OSBPL11: variants seen among roughly 807,000 people sequenced by gnomAD.
The protein encoded by OSBPL11 is oxysterol binding protein like 11.
OSBPL11 carries 33 observed loss-of-function variants against 84.4 expected under a neutral mutation model. The ratio of observed to expected loss-of-function variants is 0.39; its 90% CI spans 0.30 to 0.52. The LOEUF (loss-of-function observed/expected upper bound fraction) is 0.52, where lower values mean the gene tolerates loss of function less well. OSBPL11 is among the 20% of genes least tolerant of loss of function. The pLI is 0.72. For synonymous variants in OSBPL11, 276 were observed against 310.2 expected, an observed-to-expected ratio of 0.89 and a Z score of 1.16; for missense variants, 736 against 901.1, an observed-to-expected ratio of 0.82 and a Z score of 2.35.
chr3:125,552,117 A>T, intron 9 of OSBPL11, 64 bp downstream of exon 9: 2 of 946,286 alleles, frequency 2.1e-6, no homozygotes, highest in African/African-American at 3.8e-5. Context: ...TTGGAAAAAA[A>T]AATACATATA....
chr3:125,583,667 G>A (rs1242803377), intron 1 of OSBPL11, among the ~76,000 whole-genome samples: 2 of 151,548 alleles, frequency 1.3e-5, no homozygotes, highest in Non-Finnish European at 2.9e-5. Flanking sequence ...AAGATAGGGG[G>A]ATCACTTGAG....
chr3:125,566,296 G>A (rs917409626), intron 6 of OSBPL11, among the ~76,000 whole-genome samples: 1 of 151,992 alleles, frequency 6.6e-6, no homozygotes. Flanking sequence ...GTGAGCCACC[G>A]TGCCTGGCCC....
chr3:125,571,640 C>T (rs9812609), intron 5 of OSBPL11, among the ~76,000 whole-genome samples: 20,299 of 152,212 alleles, frequency 0.13, 1,380 homozygotes, highest in South Asian at 0.18. Flanking sequence ...ACGTAGAGCT[C>T]GTCTGTGGCC....
intron 11 of OSBPL11, among the ~76,000 whole-genome samples, chr3:125,538,094 A>G (rs1475133984): frequency 6.6e-6 from 1 of 152,214 alleles, no homozygotes; most frequent in Non-Finnish European, 1.5e-5. Context: ...ATATTTTTGC[A>G]CTACCTCTTT....
chr3:125,532,253 G>A (rs1224286465), intron 11 of OSBPL11, among the ~76,000 whole-genome samples: 1 of 152,094 alleles, frequency 6.6e-6, no homozygotes, highest in African/African-American at 2.4e-5. Flanking sequence ...GGTTATAAAA[G>A]CAGGATTTTT....
intron 5 of OSBPL11, among the ~76,000 whole-genome samples, chr3:125,567,990 T>G (rs1936185393): frequency 1.5e-5 from 2 of 137,676 alleles, no homozygotes; most frequent in South Asian, 2.2e-4. Flanking sequence ...TAAAACCCCG[T>G]CTAAAAAAAA....
chr3:125,565,403 G>C (rs1936138877), intron 6 of OSBPL11, among the ~76,000 whole-genome samples: 1 of 152,034 alleles, frequency 6.6e-6, no homozygotes, highest in South Asian at 2.1e-4. Flanking sequence ...TTCAACACAG[G>C]GATATAGTTA....
At chr3:125,578,372 G>C (rs1936363862) in intron 4 of OSBPL11, among the ~76,000 whole-genome samples, 1 of 152,164 alleles carries the variant, frequency 6.6e-6, no homozygotes, top group Non-Finnish European at 1.5e-5. Context: ...TTGGGAAGGA[G>C]AGAACAGGGA....
At chr3:125,584,760 T>C (rs1317062574) in intron 1 of OSBPL11, among the ~76,000 whole-genome samples, 1 of 152,220 alleles carries the variant, frequency 6.6e-6, no homozygotes, top group Non-Finnish European at 1.5e-5. Context: ...ACAAAATTTT[T>C]ATTTCAAAGC....
At chr3:125,592,936 A>G (rs1452705534) in intron 1 of OSBPL11, among the ~76,000 whole-genome samples, 2 of 152,254 alleles carry the variant, frequency 1.3e-5, no homozygotes, top group Non-Finnish European at 2.9e-5. Context: ...AATCTTTGTC[A>G]TCTTAAACTT....
intron 5 of OSBPL11, among the ~76,000 whole-genome samples, chr3:125,575,013 T>C (rs891813529): frequency 1.3e-5 from 2 of 152,320 alleles, no homozygotes; most frequent in Non-Finnish European, 2.9e-5. Flanking sequence ...TAACAAAGAA[T>C]AGCCACAATT....
rs184920475 is a variant in OSBPL11, at chr3:125,561,893, C to T, written c.1015-1374G>A. On this transcript the variant is annotated intron_variant, in intron 7 of 12. Coordinates refer to ENST00000296220, the MANE Select transcript of OSBPL11 (RefSeq NM_022776.5). ...AGGTAGTATATTATCCCTACCTTACCGATGAGGAAGTTGAAGCTAAGAGTG... is the reference window on the plus strand; with the variant it reads ...AGGTAGTATATTATCCCTACCTTACTGATGAGGAAGTTGAAGCTAAGAGTG... Among the ~76,000 whole-genome samples, 13 of 152,290 alleles carry T rather than the reference C, an allele frequency of 8.5e-5. No individual in the cohort carries two copies. The East Asian group carries it at 2.3e-3, about 27-fold the overall frequency.
intron 1 of OSBPL11, among the ~76,000 whole-genome samples, chr3:125,587,694 G>C (rs781615932): frequency 6.6e-6 from 1 of 152,174 alleles, no homozygotes; most frequent in Admixed American, 6.5e-5. Flanking sequence ...ACTCACACCT[G>C]TAATCCCAGC....
At chr3:125,569,548 C>A (rs553322740) in intron 5 of OSBPL11, among the ~76,000 whole-genome samples, 1 of 152,088 alleles carries the variant, frequency 6.6e-6, no homozygotes, top group Admixed American at 6.6e-5. Flanking sequence ...CTTATGAACA[C>A]GCAGAACCAC....
At chr3:125,572,226 T>A (rs1936253350) in intron 5 of OSBPL11, among the ~76,000 whole-genome samples, 1 of 152,248 alleles carries the variant, frequency 6.6e-6, no homozygotes, top group Non-Finnish European at 1.5e-5. Flanking sequence ...ATGGCTGTAT[T>A]TATCCAATGC....
At chr3:125,535,493 G>C (rs913584570) in intron 11 of OSBPL11, among the ~76,000 whole-genome samples, 4 of 131,094 alleles carry the variant, frequency 3.1e-5, no homozygotes, top group Admixed American at 9.0e-5. Flanking sequence ...ACCCAGGCTA[G>C]AGTGCAGTGG....
At chr3:125,538,671 G>C in intron 10 of OSBPL11, 38 bp from the exon 11 acceptor site, 1 of 1,529,932 alleles carries the variant, frequency 6.5e-7, no homozygotes, top group South Asian at 1.3e-5. Flanking sequence ...GCTCTAATAA[G>C]TGATATCATG....
At chr3:125,544,388 G>A (rs985276264) in intron 10 of OSBPL11, among the ~76,000 whole-genome samples, 1 of 152,018 alleles carries the variant, frequency 6.6e-6, no homozygotes, top group Admixed American at 6.6e-5. Context: ...TTTACCAAAT[G>A]GTTAATTATA....
chr3:125,585,619 T>G (rs1481956001), intron 1 of OSBPL11, among the ~76,000 whole-genome samples: 1 of 151,818 alleles, frequency 6.6e-6, no homozygotes, highest in Non-Finnish European at 1.5e-5. Context: ...GAGGCAGAAA[T>G]TCAAGTAAGT....
Sources: gnomAD v4.1 joint callset for allele counts (sites outside exome capture counted in the v4.1 genomes callset) on GRCh38, gnomAD v4.1.1 for gene constraint, MANE v1.5 for transcripts, NCBI Gene and HGNC (gene_info 2026-07-23, HGNC 2026-07-21) for gene names.